The following PLVAP variants were observed in gnomAD, a reference collection of about 807,000 sequenced individuals.
PLVAP encodes the protein plasmalemma vesicle associated protein, also known as plasmalemma vesicle-associated protein.
PLVAP carries 34 observed loss-of-function variants against 43.1 expected under a neutral mutation model. That is an observed-to-expected ratio of 0.79 (90% CI 0.60 to 1.05). The LOEUF is 1.05. Among genes scored for constraint, PLVAP ranks in the 50% least tolerant of loss-of-function variants. The pLI is 0.00. For synonymous variants in PLVAP, 241 were observed against 237.3 expected (o/e 1.02, Z -0.14); for missense variants, 574 against 593.4 (o/e 0.97, Z 0.34).
At chr19:17,359,477 C>T (rs2074519284) in intron 5 of PLVAP, among the ~76,000 whole-genome samples, 1 of 151,932 alleles carries the variant, frequency 6.6e-6, no homozygotes, top group Admixed American at 6.6e-5. Context: ...GTCATCTCGG[C>T]TCACTGCAAC....
intron 1 of PLVAP, among the ~76,000 whole-genome samples, chr19:17,370,449 A>G (rs138856925): frequency 2.6e-5 from 4 of 152,320 alleles, no homozygotes; most frequent in Non-Finnish European, 5.9e-5. Flanking sequence ...ATAGAACATG[A>G]TTCAGCCATA....
In PLVAP at chr19:17,377,039, A is replaced by G. The variant is rs778092352; in HGVS notation, c.250T>C (p.Leu84=). 1.2e-6 allele frequency: 2 copies of G among 1,613,880 alleles called. No individual in the cohort carries two copies. The highest frequency in any genetic ancestry group is 2.7e-5 in the African/African-American group (2 of 74,858). ...LLGLTASQSN[L]TKELNFTTRA... ...GTGGTGAAGTTGAGCTCCTTGGTCA[A>G]GTTGGACTGGGAGGCCGTGAGCCCT... Residue 84 remains leucine (L), a synonymous_variant, in exon 1 of 6, where the codon TTG becomes CTG. Transcript: ENST00000252590.
At position 17,352,365 on chromosome 19, in the gene PLVAP, G is replaced by C. The variant is rs767005920; in HGVS notation, c.1326C>G (p.Gly442=). The stretch of plus-strand genomic sequence containing the variant: ...GGTCCTCAGGCCTGGAGCCTCCTCA[G>C]CCACTAGGGCAGGAAGGGGATGGTA... The part of the protein sequence containing the change: ...PAGIPVAPSS[G] Residue 442 remains glycine (G), a synonymous_variant, in exon 6 of 6, where the codon GGC becomes GGG. Coordinates refer to ENST00000252590, the MANE Select transcript of PLVAP (RefSeq NM_031310.3). The C allele has an allele frequency of 6.2e-7, 1 of 1,613,648 alleles. No homozygotes were observed. The highest frequency in any genetic ancestry group is 1.1e-5 in the South Asian group (1 of 91,084).
chr19:17,372,774 G>GA (rs1176429288), intron 1 of PLVAP, among the ~76,000 whole-genome samples: 1 of 147,190 alleles, frequency 6.8e-6, no homozygotes, highest in African/African-American at 2.5e-5. Context: ...TTTTTTAAAT[G>GA]AAAAGACAGG....
Position 17,360,778 on chromosome 19 carries a change from G to A in PLVAP, c.1234C>T (p.Pro412Ser), listed in dbSNP as rs2074524871. The change falls in exon 4 of 6, where the codon CCC becomes TCC. Residue 412 changes from proline (P) to serine (S), a missense_variant. Transcript: ENST00000252590. ...RPMGPVPNPQ[P>S]IDPASLEEFK... is the part of the protein sequence containing the mutation. ...TCTGTCTTTTGTCACTCACCGATGG[G>A]CTGGGGGTTGGGGACAGGGCCCATG... 2 of 1,613,690 alleles carry A rather than the reference G, an allele frequency of 1.2e-6. No individual in the cohort carries two copies. Among genetic ancestry groups the A allele is most frequent in the Middle Eastern group, 3.3e-4 (2 of 6,060 alleles).
At chr19:17,355,048 G>T (rs546971573) in intron 5 of PLVAP, among the ~76,000 whole-genome samples, 1 of 150,286 alleles carries the variant, frequency 6.7e-6, no homozygotes, top group South Asian at 2.1e-4. Context: ...ATGGTGAAAC[G>T]CCATCTCTAC....
chr19:17,375,393 C>T (rs1454485174), intron 1 of PLVAP, among the ~76,000 whole-genome samples: 1 of 151,896 alleles, frequency 6.6e-6, no homozygotes, highest in Admixed American at 6.6e-5. Flanking sequence ...AACTTGGATT[C>T]CAAAAAGACA....
At chr19:17,365,162 G>T in intron 3 of PLVAP, 124 bp downstream of exon 3, 1 of 800,688 alleles carries the variant, frequency 1.2e-6, no homozygotes, top group Non-Finnish European at 2.0e-6. Flanking sequence ...CTAGAGAGTT[G>T]TAACTCACCC....
intron 5 of PLVAP, among the ~76,000 whole-genome samples, chr19:17,359,759 C>A (rs10420515): frequency 1.7e-3 from 247 of 141,228 alleles, no homozygotes; most frequent in African/African-American, 5.9e-3. Flanking sequence ...GTGGCATGAT[C>A]TCGGCTCACT....
chr19:17,357,439 G>A (rs1031547892), intron 5 of PLVAP, among the ~76,000 whole-genome samples: 21 of 152,236 alleles, frequency 1.4e-4, no homozygotes, highest in African/African-American at 4.3e-4. Context: ...GAGGCAGGAA[G>A]ATCACTTGAG....
intron 3 of PLVAP, 40 bp from the exon 4 acceptor site, chr19:17,360,872 G>T (rs745811749): frequency 6.4e-7 from 1 of 1,557,550 alleles, no homozygotes; most frequent in Non-Finnish European, 8.8e-7. Context: ...AGGAGCCAGG[G>T]CTTCCCAGAC....
Position 17,352,222 on chromosome 19 carries a change from A to T in PLVAP, c.*140T>A. 5 of 1,119,220 alleles carry T rather than the reference A, an allele frequency of 4.5e-6. No homozygotes were observed. Among genetic ancestry groups the T allele is most frequent in the Non-Finnish European group, 6.3e-6 (5 of 794,766 alleles). The allele number at this position is 1,119,220 out of a possible 1,614,324, so 69.3% of individuals were successfully genotyped here. On this transcript the variant is annotated 3_prime_UTR_variant, in exon 6 of 6. Coordinates refer to ENST00000252590, the MANE Select transcript of PLVAP (RefSeq NM_031310.3). ...GTGTGAGAGGGTACTAGGGGTTTGC[A>T]TGCAGGGAGTTGTCTGATGGTGGCC... is the stretch of plus-strand genomic sequence containing the variant.
Position 17,365,504 on chromosome 19 carries a change from C to T in PLVAP, c.961G>A (p.Ala321Thr). 1 of 1,612,438 alleles carries T rather than the reference C, an allele frequency of 6.2e-7. No homozygotes were observed. The highest frequency in any genetic ancestry group is 1.7e-5 in the Admixed American group (1 of 60,028). The part of the protein sequence containing the change: ...AQQGLRASQE[A>T]KQKVEKEAQA... Reference sequence around the variant, plus strand: ...GCCTCCTTCTCCACCTTCTGTTTCGCCTCCTGACTGGCCCGCAGGCCCTGC... The same window carrying T: ...GCCTCCTTCTCCACCTTCTGTTTCGTCTCCTGACTGGCCCGCAGGCCCTGC... The change falls in exon 3 of 6, where the codon GCG becomes ACG. Residue 321 changes from alanine to threonine, a missense_variant. Transcript: ENST00000252590.
rs144117840 is a variant in PLVAP at position 17,376,957 on chromosome 19, C to T, written c.332G>A (p.Arg111His). 3.6e-5 allele frequency: 58 copies of T among 1,613,832 alleles called. No homozygotes were observed. The highest frequency in any genetic ancestry group is 4.6e-5 in the Non-Finnish European group (54 of 1,179,982). The change falls in exon 1 of 6, where the codon CGC becomes CAC. Residue 111 changes from arginine (R) to histidine (H), a missense_variant. Coordinates refer to ENST00000252590, the MANE Select transcript of PLVAP (RefSeq NM_031310.3). Reference sequence around the variant, plus strand: ...GCACTGGCGGAAGCTGGCATTGATGCGGTCCAGGTCGCGGCGAGCATTCAG... The same window carrying T: ...GCACTGGCGGAAGCTGGCATTGATGTGGTCCAGGTCGCGGCGAGCATTCAG... ...MWLNARRDLD[R>H]INASFRQCQG...
chr19:17,373,287 G>T (rs1211917237), intron 1 of PLVAP, among the ~76,000 whole-genome samples: 3 of 151,840 alleles, frequency 2.0e-5, no homozygotes, highest in Non-Finnish European at 4.4e-5. Context: ...GGGCATCTGG[G>T]GAGACGGTGC....
intron 3 of PLVAP, among the ~76,000 whole-genome samples, chr19:17,363,366 C>T (rs1398301964): frequency 6.6e-6 from 1 of 152,030 alleles, no homozygotes; most frequent in Non-Finnish European, 1.5e-5. Context: ...AGGGTTTCAC[C>T]ATGTTGGCCA....
intron 3 of PLVAP, among the ~76,000 whole-genome samples, chr19:17,363,788 G>A (rs999737285): frequency 4.1e-5 from 6 of 145,372 alleles, no homozygotes; most frequent in Admixed American, 2.8e-4. Context: ...TGTCACCCAG[G>A]CTGGAGTGCA....
At chr19:17,355,075 A>AG (rs905832458) in intron 5 of PLVAP, among the ~76,000 whole-genome samples, 6 of 147,066 alleles carry the variant, frequency 4.1e-5, no homozygotes, top group African/African-American at 1.5e-4. Flanking sequence ...TACAAAAAAA[A>AG]TCACCCAGGC....
chr19:17,372,081 TAAAAAAAAA>T (rs368346030), intron 1 of PLVAP, among the ~76,000 whole-genome samples: 2 of 96,994 alleles, frequency 2.1e-5, no homozygotes, highest in African/African-American at 7.7e-5. Context: ...ACCATGTCTC[TAAAAAAAAA>T]AAAAAAAAAA....
Sources: gnomAD v4.1 joint callset for allele counts (sites outside exome capture counted in the v4.1 genomes callset) on GRCh38, gnomAD v4.1.1 for gene constraint, MANE v1.5 for transcripts, NCBI Gene and HGNC (gene_info 2026-07-23, HGNC 2026-07-21) for gene names.